The following PNPT1 variants were observed in gnomAD, a reference collection of about 807,000 sequenced individuals.
The protein encoded by PNPT1 is polyribonucleotide nucleotidyltransferase 1, mitochondrial.
In PNPT1, 53 loss-of-function variants were observed where a neutral mutation model predicts 119.5. That is an observed-to-expected ratio of 0.44 (90% CI 0.36 to 0.56). PNPT1 has a LOEUF of 0.56. Among genes scored for constraint, PNPT1 ranks in the 20% least tolerant of loss-of-function variants. PNPT1 has a pLI of 0.00. For missense variants in PNPT1, 948 were observed against 938.5 expected (o/e 1.01, Z -0.13); for synonymous variants, 357 against 322.1 (o/e 1.11, Z -1.16).
intron 9 of PNPT1, 37 bp from the exon 10 acceptor site, chr2:55,672,083 T>C (rs1375985437): frequency 6.0e-6 from 9 of 1,489,742 alleles, no homozygotes; most frequent in African/African-American, 1.4e-5. Context: ...CATAATAATA[T>C]CTGGAAACAA....
At chr2:55,690,477 T>C (rs1439352431) in intron 1 of PNPT1, among the ~76,000 whole-genome samples, 2 of 152,226 alleles carry the variant, frequency 1.3e-5, no homozygotes, top group Non-Finnish European at 2.9e-5. Flanking sequence ...CAAGTAAGAT[T>C]ATTCTGTCTT....
rs1275660310 is a variant in PNPT1 at position 55,635,895 on chromosome 2, T to A, written c.*342A>T. The A allele has an allele frequency of 6.4e-6, 1 of 156,264 alleles. No individual in the cohort carries two copies. Among genetic ancestry groups the A allele is most frequent in the Non-Finnish European group, 1.4e-5 (1 of 71,144 alleles). 9.7% of individuals were successfully genotyped at this position (156,264 alleles called of 1,614,324 possible). ...CTGTATACAAAGAAGAAAAATAAGA[T>A]GTAGGAAGAGATCTGTTATAATAAC... is the stretch of plus-strand genomic sequence containing the variant. On this transcript the variant is annotated 3_prime_UTR_variant, in exon 28 of 28. Coordinates refer to ENST00000447944, the MANE Select transcript of PNPT1 (RefSeq NM_033109.5).
At chr2:55,692,245 G>A (rs1298671494) in intron 1 of PNPT1, among the ~76,000 whole-genome samples, 1 of 151,946 alleles carries the variant, frequency 6.6e-6, no homozygotes, top group Non-Finnish European at 1.5e-5. Context: ...ACCCCAAAAA[G>A]CCTAATATAT....
rs1553491848 is a variant in PNPT1, at chr2:55,635,669, T to TTTTGTAA, written c.*567_*568insTTACAAA. ...TATATTTATTCCACTCTGTTTATGA[T>TTTTGTAA]TTGGTAACTAATTTGAAAGGCATTA... On this transcript the variant is annotated 3_prime_UTR_variant, in exon 28 of 28. Transcript: ENST00000447944. 1.3e-5 allele frequency: 2 copies of TTTTGTAA among 151,758 alleles called. No homozygotes were observed. Among genetic ancestry groups the TTTTGTAA allele is most frequent in the African/African-American group, 4.8e-5 (2 of 41,336 alleles). The allele number at this position is 151,758 out of a possible 1,614,324, so 9.4% of individuals were successfully genotyped here.
intron 7 of PNPT1, among the ~76,000 whole-genome samples, chr2:55,680,033 T>C (rs1697195427): frequency 6.6e-6 from 1 of 152,212 alleles, no homozygotes; most frequent in African/African-American, 2.4e-5. Flanking sequence ...ATGCTCATGT[T>C]TGTCCCCTGG....
chr2:55,677,598 A>C (rs1697115882), intron 8 of PNPT1, among the ~76,000 whole-genome samples: 1 of 122,818 alleles, frequency 8.1e-6, no homozygotes, highest in Non-Finnish European at 1.8e-5. Flanking sequence ...CTATGTCTCA[A>C]AAAAAAAAAA....
chr2:55,641,094 C>T (rs143640455), intron 25 of PNPT1, among the ~76,000 whole-genome samples: 118 of 151,820 alleles, frequency 7.8e-4, no homozygotes, highest in Middle Eastern at 3.4e-3. Context: ...CCTGGTGGCG[C>T]GCACCTGTAA....
chr2:55,671,293 A>T, intron 11 of PNPT1, 26 bp downstream of exon 11: 1 of 1,343,104 alleles, frequency 7.4e-7, no homozygotes. Context: ...CAGCAAAAAA[A>T]TAAAATAAAA....
intron 18 of PNPT1, among the ~76,000 whole-genome samples, chr2:55,653,000 A>G (rs1696260176): frequency 6.6e-6 from 1 of 152,136 alleles, no homozygotes; most frequent in Non-Finnish European, 1.5e-5. Context: ...GGCGTGGGCC[A>G]CCACACCCGG....
At chr2:55,642,531 G>A (rs561719782) in intron 25 of PNPT1, among the ~76,000 whole-genome samples, 89 of 150,480 alleles carry the variant, frequency 5.9e-4, no homozygotes, top group Non-Finnish European at 1.1e-3. Context: ...GCGTGAACCC[G>A]GGAGGCAGAG....
chr2:55,672,460 T>C (rs1044312933), intron 9 of PNPT1, among the ~76,000 whole-genome samples: 3 of 152,234 alleles, frequency 2.0e-5, no homozygotes, highest in African/African-American at 7.2e-5. Flanking sequence ...ATTAACCTTT[T>C]CAATTTTTTC....
intron 4 of PNPT1, 144 bp from the exon 5 acceptor site, chr2:55,683,978 A>G: frequency 1.5e-6 from 1 of 686,306 alleles, no homozygotes. Context: ...ACACAGATAA[A>G]TGTCAGTGCT....
In PNPT1 at chr2:55,693,835, C is replaced by A. The variant is rs761272095; in HGVS notation, c.-12G>T. On this transcript the variant is annotated 5_prime_UTR_variant, in exon 1 of 28. Coordinates refer to ENST00000447944, the MANE Select transcript of PNPT1 (RefSeq NM_033109.5). The stretch of plus-strand genomic sequence containing the variant: ...CTGCAGGCCGCCATGACACCCGGCA[C>A]GCGGTCAACGCAGGCTGTGCCCTGA... The A allele has an allele frequency of 1.2e-5, 20 of 1,612,352 alleles. No individual in the cohort carries two copies. Among genetic ancestry groups the A allele is most frequent in the Non-Finnish European group, 1.6e-5 (19 of 1,179,898 alleles).
At chr2:55,687,858 A>C (rs1697462259) in intron 1 of PNPT1, among the ~76,000 whole-genome samples, 153 bp from the exon 2 acceptor site, 1 of 152,202 alleles carries the variant, frequency 6.6e-6, no homozygotes, top group South Asian at 2.1e-4. Context: ...ATCATTATCA[A>C]AAGTAAAAGT....
At chr2:55,637,466 G>A (rs765686228) in intron 27 of PNPT1, 86 bp downstream of exon 27, 2 of 1,230,240 alleles carry the variant, frequency 1.6e-6, no homozygotes, top group Non-Finnish European at 2.4e-6. Context: ...CATAGATGGT[G>A]ACTCTTCTTT....
intron 12 of PNPT1, 121 bp downstream of exon 12, chr2:55,667,741 T>C: frequency 1.5e-6 from 2 of 1,291,862 alleles, no homozygotes; most frequent in Non-Finnish European, 2.1e-6. Flanking sequence ...ATATAGCAAA[T>C]ATTATAATTC....
intron 18 of PNPT1, 34 bp downstream of exon 18, chr2:55,654,866 C>T: frequency 1.3e-6 from 2 of 1,591,440 alleles, no homozygotes; most frequent in Non-Finnish European, 1.7e-6. Context: ...CAGGCATGAG[C>T]AATATCAGCA....
chr2:55,642,605 CAAAAAAAA>C (rs559417017), intron 25 of PNPT1, among the ~76,000 whole-genome samples: 5 of 44,216 alleles, frequency 1.1e-4, no homozygotes, highest in South Asian at 1.2e-3. Flanking sequence ...GACTCTGTCC[CAAAAAAAA>C]AAAAAAAAAA....
chr2:55,677,915 G>A lies in PNPT1; in HGVS notation c.679+1767C>T, dbSNP rs372269900. On this transcript the variant is annotated intron_variant, in intron 8 of 27. Coordinates refer to ENST00000447944, the MANE Select transcript of PNPT1 (RefSeq NM_033109.5). ...CAACACGCCCGGCTAATTTTTTTTT[G>A]TATTTTTAGTAGAGACAGGGTTTCA... Among the ~76,000 whole-genome samples the A allele has an allele frequency of 3.3e-5, 5 of 151,776 alleles. No homozygotes were observed. The South Asian group carries it at 6.2e-4, about 19-fold the overall frequency.
Sources: gnomAD v4.1 joint callset for allele counts (sites outside exome capture counted in the v4.1 genomes callset) on GRCh38, gnomAD v4.1.1 for gene constraint, MANE v1.5 for transcripts, NCBI Gene and HGNC (gene_info 2026-07-23, HGNC 2026-07-21) for gene names.